Variants in LEF1 observed in about 807,000 individuals in gnomAD.
LEF1 encodes lymphoid enhancer-binding factor 1.
Under a neutral mutation model 51.2 loss-of-function variants are expected in LEF1, and 14 were observed. The ratio of observed to expected loss-of-function variants is 0.27; its 90% confidence interval spans 0.18 to 0.43. The LOEUF is 0.43. Ranked by LOEUF, LEF1 falls within the 20% of genes least tolerant of loss-of-function variation. The pLI, the probability that LEF1 is intolerant of heterozygous loss-of-function variation, is 1.00. For missense variants in LEF1, 386 were observed against 512.0 expected, an observed-to-expected ratio of 0.75 and a Z score of 2.37; for synonymous variants, 185 against 183.2, an observed-to-expected ratio of 1.01 and a Z score of -0.08.
intron 3 of LEF1, among the ~76,000 whole-genome samples, chr4:108,122,038 TATTCATGGCCCA>T (rs1432496570): frequency 6.6e-6 from 1 of 152,226 alleles, no homozygotes; most frequent in African/African-American, 2.4e-5. Context: ...TTTAACACAC[TATTCATGGCCCA>T]ATATTTTATA....
In LEF1 at chr4:108,064,326, T is replaced by C. The variant is rs1444519531; in HGVS notation, c.1165+10A>G. 1 of 1,606,872 alleles carries C rather than the reference T, an allele frequency of 6.2e-7. No homozygotes were observed. The highest frequency in any genetic ancestry group is 2.2e-5 in the East Asian group (1 of 44,832). On this transcript the variant is annotated intron_variant, in intron 10 of 11. Coordinates refer to ENST00000265165, the MANE Select transcript of LEF1 (RefSeq NM_016269.5). ...CCTGAGGATTGACTGGAAAGTCTCA[T>C]GGTGCCTACCTGATGCAGATTCCTG...
At chr4:108,142,846 A>ATTTCC (rs1477504314) in intron 3 of LEF1, among the ~76,000 whole-genome samples, 8 of 152,246 alleles carry the variant, frequency 5.3e-5, no homozygotes, top group Non-Finnish European at 1.2e-4. Context: ...AGAGCAGGAA[A>ATTTCC]GTAGAATCTT....
At chr4:108,091,053 T>C (rs896781518) in intron 3 of LEF1, among the ~76,000 whole-genome samples, 1 of 152,178 alleles carries the variant, frequency 6.6e-6, no homozygotes. Flanking sequence ...AGTTCAGACA[T>C]GTCTTCATCA....
intron 8 of LEF1, among the ~76,000 whole-genome samples, chr4:108,073,680 A>G (rs146491852): frequency 1.5e-3 from 224 of 152,308 alleles, no homozygotes; most frequent in African/African-American, 5.2e-3. Flanking sequence ...TTCTACCCAA[A>G]CAACGAGGTA....
chr4:108,145,970 T>C (rs934161557), intron 3 of LEF1, among the ~76,000 whole-genome samples: 1 of 152,204 alleles, frequency 6.6e-6, no homozygotes. Flanking sequence ...CACTACACTG[T>C]ACACTCAAAG....
At chr4:108,093,587 C>T (rs1578334599) in intron 3 of LEF1, among the ~76,000 whole-genome samples, 1 of 152,078 alleles carries the variant, frequency 6.6e-6, no homozygotes, top group Non-Finnish European at 1.5e-5. Context: ...GCAGCCCTGT[C>T]ACCCCAAATT....
intron 9 of LEF1, among the ~76,000 whole-genome samples, chr4:108,065,115 CAATGCCAAATTAA>C (rs1193898819): frequency 1.3e-5 from 2 of 152,212 alleles, no homozygotes; most frequent in African/African-American, 4.8e-5. Flanking sequence ...CAAAACATCT[CAATGCCAAATTAA>C]AAAGCTTAGA....
At chr4:108,141,813 G>A (rs747072156) in intron 3 of LEF1, among the ~76,000 whole-genome samples, 139 of 152,110 alleles carry the variant, frequency 9.1e-4, no homozygotes, top group Non-Finnish European at 1.4e-3. Flanking sequence ...CTGTTTTAAA[G>A]TAACAAAAGC....
At chr4:108,126,873 G>A (rs1269208076) in intron 3 of LEF1, among the ~76,000 whole-genome samples, 2 of 133,722 alleles carry the variant, frequency 1.5e-5, no homozygotes, top group Non-Finnish European at 3.0e-5. Flanking sequence ...ACTGATATGT[G>A]TGTGTGTGTG....
chr4:108,125,293 A>G lies in LEF1; in HGVS notation c.415-36036T>C, dbSNP rs1213892026. ...ATTTTCCTGCCTCAGCATCCTGAGT[A>G]GCTGGGATTATAGGCACCCACCGCC... On this transcript the variant is annotated intron_variant, in intron 3 of 11. Coordinates refer to ENST00000265165, the MANE Select transcript of LEF1 (RefSeq NM_016269.5). Among the ~76,000 whole-genome samples, 5 of 152,152 alleles carry G rather than the reference A, an allele frequency of 3.3e-5. No individual in the cohort carries two copies. The East Asian group carries it at 7.7e-4, about 24-fold the overall frequency.
intron 2 of LEF1, 50 bp from the exon 3 acceptor site, chr4:108,163,751 T>C: frequency 6.3e-7 from 1 of 1,575,216 alleles, no homozygotes; most frequent in Non-Finnish European, 8.6e-7. Context: ...CCCTTTTATA[T>C]TACTGTATTT....
chr4:108,138,255 A>AATGTTTTCATGATGT (rs1743422440), intron 3 of LEF1, among the ~76,000 whole-genome samples: 1 of 152,240 alleles, frequency 6.6e-6, no homozygotes, highest in African/African-American at 2.4e-5. Flanking sequence ...AAATGCAAAT[A>AATGTTTTCATGATGT]ATGTTTTCAT....
intron 3 of LEF1, among the ~76,000 whole-genome samples, chr4:108,163,075 C>T (rs1164096483): frequency 3.9e-5 from 6 of 152,044 alleles, no homozygotes; most frequent in Admixed American, 1.3e-4. Flanking sequence ...AACTCATCCC[C>T]GCCAAACCGA....
intron 3 of LEF1, among the ~76,000 whole-genome samples, chr4:108,130,872 T>A (rs1220274427): frequency 1.3e-5 from 2 of 152,080 alleles, no homozygotes; most frequent in Non-Finnish European, 2.9e-5. Flanking sequence ...GCATACAAAA[T>A]TTTTTTTCTT....
chr4:108,126,662 G>T (rs1560808821), intron 3 of LEF1, among the ~76,000 whole-genome samples: 1 of 151,562 alleles, frequency 6.6e-6, no homozygotes, highest in Non-Finnish European at 1.5e-5. Context: ...AAATTAGCCG[G>T]GCATGATGGT....
chr4:108,136,892 A>C (rs568996007), intron 3 of LEF1, among the ~76,000 whole-genome samples: 95 of 152,168 alleles, frequency 6.2e-4, no homozygotes, highest in Non-Finnish European at 1.2e-3. Context: ...AATAGCTACC[A>C]ATAAGGGCTC....
intron 9 of LEF1, among the ~76,000 whole-genome samples, chr4:108,069,680 G>A (rs1299391041): frequency 1.3e-5 from 2 of 152,088 alleles, no homozygotes; most frequent in African/African-American, 4.8e-5. Context: ...TAAAATAGCC[G>A]GGGCAGTGGC....
At chr4:108,107,859 T>C (rs1423494817) in intron 3 of LEF1, among the ~76,000 whole-genome samples, 1 of 151,944 alleles carries the variant, frequency 6.6e-6, no homozygotes, top group Non-Finnish European at 1.5e-5. Flanking sequence ...GAAAACCTAC[T>C]ACAGGCACAT....
intron 3 of LEF1, among the ~76,000 whole-genome samples, chr4:108,114,063 T>C (rs749827076): frequency 5.3e-5 from 8 of 152,200 alleles, no homozygotes; most frequent in Non-Finnish European, 1.2e-4. Context: ...TTTTGAGCTA[T>C]TTATTAACAT....
Sources: allele counts gnomAD v4.1 joint callset (sites outside exome capture counted in the v4.1 genomes callset), GRCh38; gene constraint gnomAD v4.1.1; transcripts MANE v1.5; gene names NCBI Gene and HGNC (gene_info 2026-07-23, HGNC 2026-07-21).